The following MTMR7 variants were observed in gnomAD, a reference collection of about 807,000 sequenced individuals.
MTMR7 encodes myotubularin related protein 7.
A neutral mutation model predicts 81.2 loss-of-function variants in MTMR7; 76 were observed. The observed-to-expected ratio is 0.94, with a 90% CI of 0.78 to 1.13. MTMR7 has a LOEUF of 1.13. Ranked by LOEUF, MTMR7 falls within the 50% of genes most tolerant of loss-of-function variation. The pLI, the probability that MTMR7 is intolerant of heterozygous loss-of-function variation, is 0.00. For synonymous variants in MTMR7, 372 were observed against 289.8 expected (o/e 1.28, Z -2.88); for missense variants, 1,044 against 820.0 (o/e 1.27, Z -3.34).
chr8:17,397,984 G>A (rs1124160), intron 1 of MTMR7, among the ~76,000 whole-genome samples: 106,402 of 152,102 alleles, frequency 0.7, 39,590 homozygotes, highest in East Asian at 0.85. Context: ...CAGTACCTCC[G>A]TGAGTCTGCA....
chr8:17,392,537 T>G (rs1044151588), intron 1 of MTMR7, among the ~76,000 whole-genome samples: 11 of 152,238 alleles, frequency 7.2e-5, no homozygotes, highest in Non-Finnish European at 1.5e-4. Flanking sequence ...CTCCATACTT[T>G]CATTCCAAAA....
intron 10 of MTMR7, among the ~76,000 whole-genome samples, chr8:17,308,859 A>G (rs1817633782): frequency 6.6e-6 from 1 of 152,208 alleles, no homozygotes. Context: ...ATCTGGGACA[A>G]ACTGCACTCC....
intron 1 of MTMR7, among the ~76,000 whole-genome samples, chr8:17,387,076 C>G (rs1820968493): frequency 2.0e-5 from 3 of 152,228 alleles, no homozygotes. Flanking sequence ...ACCGGCTAAA[C>G]AGGTTCCTCC....
chr8:17,387,571 T>C (rs774401006), intron 1 of MTMR7, among the ~76,000 whole-genome samples: 3 of 152,228 alleles, frequency 2.0e-5, no homozygotes, highest in Admixed American at 6.5e-5. Context: ...GTCAGAAGGA[T>C]TGTTAGTATA....
In MTMR7 at chr8:17,304,396, T is replaced by C; in HGVS notation, c.1476A>G (p.Pro492=). ...TTACATACTTGTACATGAAGTTACATGGTGTTGTAGGGAGATGAAGGGTTC... is the reference window on the plus strand; with the variant it reads ...TTACATACTTGTACATGAAGTTACACGGTGTTGTAGGGAGATGAAGGGTTC... ...TQGTLHLPTT[P]CNFMYKFWSG... Residue 492 remains proline, a synonymous_variant, in exon 12 of 14, where the codon CCA becomes CCG. Transcript: ENST00000180173. The C allele has an allele frequency of 1.9e-6, 3 of 1,612,910 alleles. No homozygotes were observed. The highest frequency in any genetic ancestry group is 1.1e-5 in the South Asian group (1 of 91,016).
intron 6 of MTMR7, among the ~76,000 whole-genome samples, chr8:17,335,752 T>TC: frequency 6.6e-6 from 1 of 152,204 alleles, no homozygotes; most frequent in East Asian, 1.9e-4. Flanking sequence ...CTAGTCAAAA[T>TC]CCTCCTTTCT....
chr8:17,400,317 C>T (rs2150583215), intron 1 of MTMR7, among the ~76,000 whole-genome samples: 1 of 152,226 alleles, frequency 6.6e-6, no homozygotes, highest in Admixed American at 6.5e-5. Context: ...GTTGTTATCC[C>T]CATTTCACAG....
chr8:17,362,093 C>T (rs980326740), intron 3 of MTMR7, among the ~76,000 whole-genome samples: 2 of 152,054 alleles, frequency 1.3e-5, no homozygotes, highest in Non-Finnish European at 2.9e-5. Flanking sequence ...CGCTATCCAA[C>T]AGAAATATAA....
At chr8:17,393,446 A>C (rs750517069) in intron 1 of MTMR7, among the ~76,000 whole-genome samples, 10 of 152,222 alleles carry the variant, frequency 6.6e-5, no homozygotes, top group Non-Finnish European at 1.2e-4. Flanking sequence ...ACCTTACAGA[A>C]TGAAAGAAAA....
intron 2 of MTMR7, among the ~76,000 whole-genome samples, chr8:17,372,394 T>C (rs917211746): frequency 6.6e-6 from 1 of 152,074 alleles, no homozygotes; most frequent in Non-Finnish European, 1.5e-5. Flanking sequence ...GAGGCCAGCC[T>C]GGACAACATA....
intron 3 of MTMR7, among the ~76,000 whole-genome samples, chr8:17,366,654 A>G (rs1820232019): frequency 6.6e-6 from 1 of 152,174 alleles, no homozygotes; most frequent in Non-Finnish European, 1.5e-5. Flanking sequence ...TGGGAGGCCG[A>G]GGCGGGCGGA....
intron 3 of MTMR7, 25 bp downstream of exon 3, chr8:17,371,012 T>G (rs375525933): frequency 1.3e-6 from 2 of 1,599,660 alleles, no homozygotes; most frequent in East Asian, 4.5e-5. Context: ...GGTTCCATAT[T>G]AAATGCCGAG....
chr8:17,320,000 T>A (rs910824968), intron 7 of MTMR7, among the ~76,000 whole-genome samples: 5 of 152,134 alleles, frequency 3.3e-5, no homozygotes, highest in Non-Finnish European at 7.4e-5. Context: ...AAAATATGAA[T>A]CAAATTTTAA....
chr8:17,301,881 CAAAT>C (rs1317161394), intron 13 of MTMR7: 7 of 433,876 alleles, frequency 1.6e-5, no homozygotes, highest in African/African-American at 8.1e-5. Flanking sequence ...TTACTACTCT[CAAAT>C]AACAGTAACC....
intron 7 of MTMR7, among the ~76,000 whole-genome samples, chr8:17,316,998 A>G (rs538478106): frequency 7.9e-5 from 12 of 152,314 alleles, no homozygotes; most frequent in South Asian, 6.2e-4. Context: ...CCATATCCCA[A>G]CTAATACTTG....
intron 1 of MTMR7, among the ~76,000 whole-genome samples, chr8:17,411,669 T>G (rs1821738054): frequency 6.6e-6 from 1 of 152,200 alleles, no homozygotes; most frequent in Non-Finnish European, 1.5e-5. Flanking sequence ...TAAATAAGGA[T>G]TTCTGACTTC....
chr8:17,343,793 A>C (rs1185645831), intron 5 of MTMR7, among the ~76,000 whole-genome samples: 4 of 152,220 alleles, frequency 2.6e-5, no homozygotes, highest in Non-Finnish European at 5.9e-5. Flanking sequence ...TTTTTCATTG[A>C]ATCAGTAATT....
intron 1 of MTMR7, among the ~76,000 whole-genome samples, chr8:17,407,783 T>C (rs1821630226): frequency 6.6e-6 from 1 of 152,244 alleles, no homozygotes; most frequent in Admixed American, 6.5e-5. Context: ...GTGGCTAATT[T>C]CTACATGTAG....
Position 17,311,562 on chromosome 8 carries a change from C to G in MTMR7, c.1050G>C (p.Ser350=), listed in dbSNP as rs763624555. ...GAGGGTCCAGCAGCAGGCTTGCCAC[C>G]GAGCACACCTGAGCGGTCCTGTCCC... ...DGWDRTAQVC[S]VASLLLDPHY... is the part of the protein sequence containing the mutation. The change falls in exon 9 of 14, where the codon TCG becomes TCC. Residue 350 remains serine (S), a synonymous_variant. Coordinates refer to ENST00000180173, the MANE Select transcript of MTMR7 (RefSeq NM_004686.5). 2.5e-6 allele frequency: 4 copies of G among 1,614,092 alleles called. No homozygotes were observed. Among genetic ancestry groups the G allele is most frequent in the Non-Finnish European group, 3.4e-6 (4 of 1,180,004 alleles).
Sources: allele counts gnomAD v4.1 joint callset (sites outside exome capture counted in the v4.1 genomes callset), GRCh38; gene constraint gnomAD v4.1.1; transcripts MANE v1.5; gene names NCBI Gene and HGNC (gene_info 2026-07-23, HGNC 2026-07-21).